DMXL1: variants seen among roughly 807,000 people sequenced by gnomAD.
DMXL1 encodes the protein Dmx like 1.
In DMXL1, 99 loss-of-function variants were observed where a neutral mutation model predicts 319.2. That is an observed-to-expected ratio of 0.31 (90% CI 0.26 to 0.37). The LOEUF is 0.37. DMXL1 is among the 10% of genes least tolerant of loss of function. DMXL1 has a pLI of 1.00. For synonymous variants in DMXL1, 1,385 were observed against 1,235.2 expected (o/e 1.12, Z -2.54); for missense variants, 3,745 against 3,595.6 (o/e 1.04, Z -1.06).
intron 11 of DMXL1, 34 bp downstream of exon 11, chr5:119,133,419 G>A: frequency 6.3e-7 from 1 of 1,593,064 alleles, no homozygotes; most frequent in African/African-American, 1.3e-5. Flanking sequence ...CTACTTCCTT[G>A]TTTATGTGGG....
At chr5:119,237,525 G>A in intron 40 of DMXL1, 111 bp downstream of exon 40, 1 of 623,502 alleles carries the variant, frequency 1.6e-6, no homozygotes, top group South Asian at 2.2e-5. Context: ...ATATAGTCCT[G>A]TGTTCTCAGT....
chr5:119,200,433 G>A (rs1157270768), intron 32 of DMXL1, among the ~76,000 whole-genome samples: 2 of 152,128 alleles, frequency 1.3e-5, no homozygotes, highest in African/African-American at 4.8e-5. Context: ...AGTGGTCAAT[G>A]TGCCTGTTTT....
chr5:119,149,365 A>G lies in DMXL1; in HGVS notation c.3538A>G (p.Thr1180Ala), dbSNP rs768833073. 1.2e-6 allele frequency: 2 copies of G among 1,613,944 alleles called. No homozygotes were observed. Among genetic ancestry groups the G allele is most frequent in the Non-Finnish European group, 1.7e-6 (2 of 1,179,892 alleles). Residue 1180 changes from threonine to alanine, a missense_variant, in exon 18 of 44, where the codon ACC (threonine) becomes GCC (alanine). Physicochemically the swap from Thr to Ala is moderately conservative, Grantham distance 58. Around this residue, in one of 4 missense-constraint regions of DMXL1, gnomAD observed 2,096 missense variants for 1,985.4 expected, o/e 1.06. Coordinates refer to ENST00000539542, the MANE Select transcript of DMXL1 (RefSeq NM_001290321.3). ...GGTACAAGACCAAACTGGTAAGGAA[A>G]CCCTGGCATTTCCTCTCTGGGAGAG... ...GKVQDQTGKE[T>A]LAFPLWESTK...
intron 32 of DMXL1, among the ~76,000 whole-genome samples, chr5:119,200,821 T>C (rs1175864048): frequency 6.6e-6 from 1 of 152,234 alleles, no homozygotes; most frequent in Non-Finnish European, 1.5e-5. Context: ...TTTATTCTTT[T>C]TGTGGCAGTT....
At position 119,124,864 on chromosome 5, in the gene DMXL1, A is replaced by G. The variant is rs1198851438; in HGVS notation, c.1102+3725A>G. ...TTACAGGCGTGAGTCACTGCACCCA[A>G]CCAACATTTTTCTTTTATTGTGGAT... On this transcript the variant is annotated intron_variant, in intron 9 of 43. Transcript: ENST00000539542. Among the ~76,000 whole-genome samples the G allele has an allele frequency of 3.9e-5, 6 of 152,036 alleles. No homozygotes were observed. In the South Asian group the frequency reaches 1.0e-3, roughly 26 times the overall value.
chr5:119,224,921 C>G (rs544386448), intron 38 of DMXL1, 152 bp downstream of exon 38: 1 of 370,142 alleles, frequency 2.7e-6, no homozygotes, highest in African/African-American at 2.1e-5. Context: ...TAAATAAAAT[C>G]TTGATTTCAA....
chr5:119,187,936 G>A (rs1279970363), intron 28 of DMXL1, among the ~76,000 whole-genome samples: 1 of 152,172 alleles, frequency 6.6e-6, no homozygotes, highest in African/African-American at 2.4e-5. Flanking sequence ...GATTATAGGC[G>A]TAAGCCACCG....
chr5:119,086,713 C>T (rs980534588), intron 1 of DMXL1, among the ~76,000 whole-genome samples: 2 of 151,844 alleles, frequency 1.3e-5, no homozygotes, highest in East Asian at 3.9e-4. Flanking sequence ...ATTATGGCTT[C>T]CATCTCATTA....
intron 4 of DMXL1, 144 bp from the exon 5 acceptor site, chr5:119,110,007 A>C: frequency 1.6e-6 from 1 of 628,214 alleles, no homozygotes; most frequent in Non-Finnish European, 2.7e-6. Context: ...ACGAAATTAA[A>C]ATACAGCCTT....
At chr5:119,087,263 G>T (rs553863167) in intron 1 of DMXL1, among the ~76,000 whole-genome samples, 1 of 151,534 alleles carries the variant, frequency 6.6e-6, no homozygotes, top group African/African-American at 2.4e-5. Context: ...TAGGTTATTT[G>T]AAGTCTTTCT....
intron 4 of DMXL1, among the ~76,000 whole-genome samples, chr5:119,109,083 G>T (rs1455533642): frequency 6.6e-6 from 1 of 152,178 alleles, no homozygotes; most frequent in Non-Finnish European, 1.5e-5. Context: ...TTGCAGGTGT[G>T]AGCCACCGTG....
At chr5:119,145,214 G>T (rs1363144350) in intron 15 of DMXL1, among the ~76,000 whole-genome samples, 1 of 151,730 alleles carries the variant, frequency 6.6e-6, no homozygotes, top group Non-Finnish European at 1.5e-5. Context: ...TATACAGTAT[G>T]TGCCTGTTGC....
chr5:119,161,036 T>G (rs1296331871), intron 19 of DMXL1, among the ~76,000 whole-genome samples: 2 of 152,232 alleles, frequency 1.3e-5, no homozygotes, highest in African/African-American at 4.8e-5. Flanking sequence ...ATTCCCTGAT[T>G]CTTCACCATT....
intron 9 of DMXL1, chr5:119,127,775 C>T (rs1477318691): frequency 3.9e-6 from 1 of 256,262 alleles, no homozygotes; most frequent in Non-Finnish European, 7.8e-6. Flanking sequence ...TTTTCTTCAT[C>T]ATGTGTTTTT....
chr5:119,126,177 G>C (rs2150001199), intron 9 of DMXL1, among the ~76,000 whole-genome samples: 1 of 152,234 alleles, frequency 6.6e-6, no homozygotes, highest in Middle Eastern at 3.4e-3. Flanking sequence ...CAGCTACTTG[G>C]GAGGCTGAGG....
chr5:119,082,172 C>G (rs373864473), intron 1 of DMXL1, among the ~76,000 whole-genome samples: 1 of 151,876 alleles, frequency 6.6e-6, no homozygotes, highest in African/African-American at 2.4e-5. Context: ...AGTGTAGTGG[C>G]GCAGTCGTAA....
intron 26 of DMXL1, among the ~76,000 whole-genome samples, chr5:119,176,091 G>A (rs928982010): frequency 2.5e-4 from 38 of 151,696 alleles, no homozygotes; most frequent in African/African-American, 8.7e-4. Flanking sequence ...TTCCAAACAC[G>A]GATTCATTAT....
intron 9 of DMXL1, among the ~76,000 whole-genome samples, chr5:119,123,549 G>T (rs961003971): frequency 1.3e-5 from 2 of 152,162 alleles, no homozygotes; most frequent in Non-Finnish European, 2.9e-5. Context: ...GACTTGACTT[G>T]TGATTTAGGA....
At chr5:119,089,626 CT>C (rs199623391) in intron 1 of DMXL1, among the ~76,000 whole-genome samples, 65,679 of 127,164 alleles carry the variant, frequency 0.52, 17,007 homozygotes, top group East Asian at 0.96. Flanking sequence ...TTGGTACTGC[CT>C]TTTTTTTTTT....
Sources: allele counts gnomAD v4.1 joint callset (sites outside exome capture counted in the v4.1 genomes callset), GRCh38; gene constraint gnomAD v4.1.1; regional missense constraint gnomAD v4.1.1; transcripts MANE v1.5; gene names NCBI Gene and HGNC (gene_info 2026-07-23, HGNC 2026-07-21).